Variants in CADM2 observed in about 807,000 individuals in gnomAD.
CADM2 encodes cell adhesion molecule 2, also known as immunoglobulin superfamily member 4D.
CADM2 carries 12 observed loss-of-function variants against 49.8 expected under a neutral mutation model. That is an observed-to-expected ratio of 0.24 (90% confidence interval 0.15 to 0.39). The LOEUF (loss-of-function observed/expected upper bound fraction) is 0.39. Among genes scored for constraint, CADM2 ranks in the 10% least tolerant of loss-of-function variants. The probability of loss-of-function intolerance (pLI) is 1.00; values close to 1 mark genes in which losing one functional copy is unlikely to be tolerated. For missense variants in CADM2, 378 were observed against 492.3 expected, an observed-to-expected ratio of 0.77 and a Z score of 2.20; for synonymous variants, 214 against 175.4, an observed-to-expected ratio of 1.22 and a Z score of -1.74.
chr3:85,415,845 ATATAT>A (rs1175340801), intron 1 of CADM2, among the ~76,000 whole-genome samples: 2 of 152,158 alleles, frequency 1.3e-5, no homozygotes, highest in Non-Finnish European at 2.9e-5. Flanking sequence ...TCATGCATAA[ATATAT>A]TATACTTTCT....
intron 1 of CADM2, among the ~76,000 whole-genome samples, chr3:85,238,647 A>G (rs981779345): frequency 6.6e-6 from 1 of 151,926 alleles, no homozygotes; most frequent in Non-Finnish European, 1.5e-5. Context: ...AAGTAATTCA[A>G]TAGAATATTT....
chr3:85,925,193 G>C (rs931215048), intron 6 of CADM2, among the ~76,000 whole-genome samples: 1 of 151,820 alleles, frequency 6.6e-6, no homozygotes, highest in Non-Finnish European at 1.5e-5. Flanking sequence ...AAGTACTATG[G>C]TGTCTACAAT....
chr3:85,694,895 A>G (rs183339984), intron 1 of CADM2, among the ~76,000 whole-genome samples: 1 of 152,212 alleles, frequency 6.6e-6, no homozygotes, highest in East Asian at 1.9e-4. Context: ...TTCAAATCAA[A>G]TCCAGCCTTG....
intron 3 of CADM2, among the ~76,000 whole-genome samples, chr3:85,851,790 A>G (rs192661017): frequency 2.0e-5 from 3 of 151,940 alleles, no homozygotes; most frequent in Admixed American, 1.3e-4. Flanking sequence ...AGTAGAATCT[A>G]TAGATCTATG....
At chr3:85,953,472 A>G (rs1448329390) in intron 7 of CADM2, among the ~76,000 whole-genome samples, 1 of 150,838 alleles carries the variant, frequency 6.6e-6, no homozygotes, top group East Asian at 2.0e-4. Flanking sequence ...TTAGACTCCT[A>G]TTGAGTTGGT....
chr3:84,966,555 A>G (rs1362047306), intron 1 of CADM2, among the ~76,000 whole-genome samples: 1 of 152,090 alleles, frequency 6.6e-6, no homozygotes, highest in Non-Finnish European at 1.5e-5. Flanking sequence ...AAGTCTTACA[A>G]TTTATGAAAT....
At chr3:85,470,389 A>C (rs144199864) in intron 1 of CADM2, among the ~76,000 whole-genome samples, 227 of 152,308 alleles carry the variant, frequency 1.5e-3, no homozygotes, top group African/African-American at 5.0e-3. Context: ...AAAGACACTT[A>C]AGTCTATGTG....
intron 1 of CADM2, among the ~76,000 whole-genome samples, chr3:85,111,996 G>A (rs751730007): frequency 3.3e-5 from 5 of 151,766 alleles, no homozygotes; most frequent in Non-Finnish European, 7.4e-5. Context: ...TAAAAAATAA[G>A]GGCTAGTTTG....
intron 1 of CADM2, among the ~76,000 whole-genome samples, chr3:85,325,636 G>A (rs939338699): frequency 2.7e-5 from 4 of 147,056 alleles, no homozygotes; most frequent in African/African-American, 7.5e-5. Flanking sequence ...GTTGCAGTGA[G>A]TTGAGATTGT....
chr3:85,611,955 A>G (rs1232480465), intron 1 of CADM2, among the ~76,000 whole-genome samples: 2 of 151,848 alleles, frequency 1.3e-5, no homozygotes, highest in African/African-American at 2.4e-5. Flanking sequence ...TAACTTCTCC[A>G]GGAAGAAGAA....
chr3:85,295,412 AC>A (rs1268976904), intron 1 of CADM2, among the ~76,000 whole-genome samples: 13 of 152,156 alleles, frequency 8.5e-5, no homozygotes, highest in African/African-American at 3.1e-4. Flanking sequence ...AACTAGAAAT[AC>A]CATTTGACGC....
chr3:85,111,960 A>G (rs1003746935), intron 1 of CADM2, among the ~76,000 whole-genome samples: 7 of 151,892 alleles, frequency 4.6e-5, no homozygotes, highest in African/African-American at 1.7e-4. Context: ...ATATGAGGTT[A>G]AACAAATTCC....
At chr3:85,783,311 A>T (rs1317403302) in intron 2 of CADM2, among the ~76,000 whole-genome samples, 2 of 152,374 alleles carry the variant, frequency 1.3e-5, no homozygotes, top group Middle Eastern at 3.4e-3. Context: ...ATAGCTTAAC[A>T]GTCAACTCAA....
rs2061282948 is a variant in CADM2, at chr3:85,530,555, TCC to T, written c.62-195966_62-195965del. On this transcript the variant is annotated intron_variant, in intron 1 of 9. Transcript: ENST00000383699. ...CGTGTTAGCCAGGATGGTCTCAATC[TCC>T]TGACTTCATGATCCACCCTCCTTGG... is the stretch of plus-strand genomic sequence containing the variant. 3.3e-5 allele frequency among the ~76,000 whole-genome samples: 5 copies of T among 152,064 alleles called. No homozygotes were observed. In the South Asian group the frequency reaches 1.0e-3, roughly 32 times the overall value.
chr3:85,402,446 T>C (rs1024607795), intron 1 of CADM2, among the ~76,000 whole-genome samples: 1 of 152,042 alleles, frequency 6.6e-6, no homozygotes, highest in East Asian at 1.9e-4. Flanking sequence ...TGTATAAATT[T>C]TTGTCTTAGT....
Position 86,007,597 on chromosome 3 carries a change from T to C in CADM2, c.970+45950T>C, listed in dbSNP as rs868656415. Among the ~76,000 whole-genome samples, 45 of 152,306 alleles carry C rather than the reference T, an allele frequency of 3.0e-4. 2 individuals carry two copies. The Middle Eastern group carries it at 0.014, about 46-fold the overall frequency. ...TTTTTGCCTAATTCACAGTAATCTT[T>C]TGCTAAGCAAATGCCATTTAAAAGA... On this transcript the variant is annotated intron_variant, in intron 8 of 9. Transcript: ENST00000383699.
intron 2 of CADM2, among the ~76,000 whole-genome samples, chr3:85,748,743 GTTT>G (rs1187616547): frequency 6.6e-6 from 1 of 152,018 alleles, no homozygotes; most frequent in East Asian, 1.9e-4. Flanking sequence ...TTTACCACAT[GTTT>G]TTGTCTTTAT....
intron 1 of CADM2, among the ~76,000 whole-genome samples, chr3:85,272,447 G>T (rs1175346529): frequency 6.6e-6 from 1 of 151,114 alleles, no homozygotes; most frequent in African/African-American, 2.4e-5. Flanking sequence ...TCAGGTTATT[G>T]TTAAGAGAAA....
At chr3:85,668,777 G>A (rs1205700654) in intron 1 of CADM2, among the ~76,000 whole-genome samples, 4 of 152,130 alleles carry the variant, frequency 2.6e-5, no homozygotes, top group Non-Finnish European at 4.4e-5. Flanking sequence ...TATCAGCAGT[G>A]TGAAGATGGA....
Sources: gnomAD v4.1 joint callset for allele counts (sites outside exome capture counted in the v4.1 genomes callset) on GRCh38, gnomAD v4.1.1 for gene constraint, MANE v1.5 for transcripts, NCBI Gene and HGNC (gene_info 2026-07-23, HGNC 2026-07-21) for gene names.